The following APP variants were observed in gnomAD, a reference collection of about 807,000 sequenced individuals.
APP encodes amyloid beta precursor protein, also known as amyloid-beta precursor protein.
In APP, 31 loss-of-function variants were observed where a neutral mutation model predicts 101.4. The observed-to-expected ratio is 0.31, with a 90% CI of 0.23 to 0.41. The LOEUF (loss-of-function observed/expected upper bound fraction) is 0.41. Ranked by LOEUF, APP falls within the 10% of genes least tolerant of loss-of-function variation. APP has a pLI of 1.00. For missense variants in APP, 839 were observed against 1,003.7 expected (o/e 0.84, Z 2.22); for synonymous variants, 366 against 364.4 (o/e 1.00, Z -0.05).
rs899374269 is a variant in APP at position 25,880,845 on chromosome 21, G to T, written c.*825C>A. The T allele has an allele frequency of 6.6e-6, 1 of 152,592 alleles. No homozygotes were observed. The highest frequency in any genetic ancestry group is 1.5e-5 in the Non-Finnish European group (1 of 68,066). The allele number at this position is 152,592 out of a possible 1,614,324, so 9.5% of individuals were successfully genotyped here. On this transcript the variant is annotated 3_prime_UTR_variant, in exon 18 of 18. Coordinates refer to ENST00000346798, the MANE Select transcript of APP (RefSeq NM_000484.4). ...TTATTTATGTAATACAGTGTAGAAAGCGATCATGTCATAAGCAATGATTCT... is the reference window on the plus strand; with the variant it reads ...TTATTTATGTAATACAGTGTAGAAATCGATCATGTCATAAGCAATGATTCT...
In APP at chr21:25,933,704, A is replaced by T. The variant is rs567340816; in HGVS notation, c.1687+20886T>A. On this transcript the variant is annotated intron_variant, in intron 13 of 17. Coordinates refer to ENST00000346798, the MANE Select transcript of APP (RefSeq NM_000484.4). ...CATTAATTAACCCTGGCTAATTAAA[A>T]CAGCCACAGTTGACACATTTACTCA... 6 of 152,346 alleles carry T rather than the reference A, an allele frequency of 3.9e-5. No homozygotes were observed. The South Asian group carries it at 1.2e-3, about 32-fold the overall frequency. 9.4% of individuals were successfully genotyped at this position (152,346 alleles called of 1,614,324 possible). A position where few individuals can be genotyped will look rare whatever the true frequency, so the allele number is the denominator to read the frequency against.
intron 5 of APP, among the ~76,000 whole-genome samples, chr21:26,038,013 A>C (rs1212819532): frequency 1.3e-5 from 2 of 152,194 alleles, no homozygotes; most frequent in Non-Finnish European, 2.9e-5. Flanking sequence ...AAAAGTATAG[A>C]AGTTTTAAAG....
At chr21:26,106,878 G>T (rs1485428500) in intron 2 of APP, among the ~76,000 whole-genome samples, 2 of 152,116 alleles carry the variant, frequency 1.3e-5, no homozygotes, top group Non-Finnish European at 2.9e-5. Flanking sequence ...GGACTACAAC[G>T]TAACTTCTCC....
intron 1 of APP, among the ~76,000 whole-genome samples, chr21:26,156,000 CAAAA>C (rs757330872): frequency 1.1e-5 from 1 of 90,170 alleles, no homozygotes. Flanking sequence ...GACTTCGTCT[CAAAA>C]AAAAAAAAAA....
At chr21:26,030,545 G>A (rs1428393594) in intron 5 of APP, among the ~76,000 whole-genome samples, 2 of 152,122 alleles carry the variant, frequency 1.3e-5, no homozygotes. Flanking sequence ...ATTCTGGCAA[G>A]ACTTAAATTT....
At chr21:26,090,215 T>C in intron 2 of APP, 143 bp from the exon 3 acceptor site, 1 of 1,299,846 alleles carries the variant, frequency 7.7e-7, no homozygotes, top group Non-Finnish European at 1.1e-6. Context: ...TCAAGGTCTC[T>C]GACTTTTTCC....
At chr21:25,978,200 T>C (rs1414589943) in intron 9 of APP, among the ~76,000 whole-genome samples, 2 of 152,188 alleles carry the variant, frequency 1.3e-5, no homozygotes, top group Non-Finnish European at 2.9e-5. Flanking sequence ...TTCAGAACAA[T>C]TTAACAATAT....
chr21:25,920,251 C>T (rs927761605), intron 13 of APP, among the ~76,000 whole-genome samples: 9 of 152,148 alleles, frequency 5.9e-5, no homozygotes, highest in Non-Finnish European at 1.0e-4. Flanking sequence ...AAGGAACAAC[C>T]GGTACCAGCC....
chr21:26,043,897 T>C (rs1423692422), intron 5 of APP, among the ~76,000 whole-genome samples: 1 of 152,232 alleles, frequency 6.6e-6, no homozygotes, highest in African/African-American at 2.4e-5. Context: ...TCATTCTAGC[T>C]TGTACTTAAC....
At chr21:26,107,832 G>A (rs987312489) in intron 2 of APP, among the ~76,000 whole-genome samples, 1 of 152,138 alleles carries the variant, frequency 6.6e-6, no homozygotes, top group Non-Finnish European at 1.5e-5. Flanking sequence ...CCCCTTTGAA[G>A]AACAGGCCCT....
At chr21:25,967,824 G>C (rs947710644) in intron 11 of APP, among the ~76,000 whole-genome samples, 1 of 152,180 alleles carries the variant, frequency 6.6e-6, no homozygotes, top group African/African-American at 2.4e-5. Context: ...GACTGTAGAG[G>C]GCAGGTTAAG....
rs78891104 is a variant in APP at position 25,984,971 on chromosome 21, A to G, written c.1091-2494T>C. On this transcript the variant is annotated intron_variant, in intron 8 of 17. Transcript: ENST00000346798. ...AAACTGGAATCATAAAACTTACTATATAAGAAGGAAATTTTTTCAGCTCCT... is the reference window on the plus strand; with the variant it reads ...AAACTGGAATCATAAAACTTACTATGTAAGAAGGAAATTTTTTCAGCTCCT... 4.7e-3 allele frequency among the ~76,000 whole-genome samples: 715 copies of G among 152,318 alleles called. 40 individuals are homozygous for G. The East Asian group carries it at 0.12, about 26-fold the overall frequency.
At chr21:25,967,204 T>TTTTTTTTTTGCTC (rs1207739183) in intron 11 of APP, among the ~76,000 whole-genome samples, 1 of 149,986 alleles carries the variant, frequency 6.7e-6, no homozygotes, top group Non-Finnish European at 1.5e-5. Context: ...ACTGCCAACA[T>TTTTTTTTTTGCTC]TTTTTTTTTG....
chr21:26,132,637 T>C (rs1280647661), intron 1 of APP, among the ~76,000 whole-genome samples: 2 of 152,240 alleles, frequency 1.3e-5, no homozygotes, highest in African/African-American at 4.8e-5. Flanking sequence ...ACAACATATA[T>C]GTATCTCCAT....
At chr21:26,061,960 A>C (rs1179399103) in intron 3 of APP, among the ~76,000 whole-genome samples, 3 of 152,170 alleles carry the variant, frequency 2.0e-5, no homozygotes, top group Admixed American at 1.3e-4. Context: ...TCATGCCTGT[A>C]ATCCCAGCAC....
chr21:26,144,556 A>G (rs934529507), intron 1 of APP, among the ~76,000 whole-genome samples: 3 of 152,166 alleles, frequency 2.0e-5, no homozygotes, highest in African/African-American at 7.2e-5. Flanking sequence ...GAAAGGCTAC[A>G]CTCAATCTTA....
intron 8 of APP, among the ~76,000 whole-genome samples, chr21:25,992,778 T>C (rs2042918663): frequency 6.6e-6 from 1 of 152,240 alleles, no homozygotes; most frequent in South Asian, 2.1e-4. Context: ...CATCTTTTAA[T>C]GCTTTAAAAT....
intron 16 of APP, among the ~76,000 whole-genome samples, chr21:25,896,285 A>C (rs565283307): frequency 6.6e-6 from 1 of 152,294 alleles, no homozygotes; most frequent in South Asian, 2.1e-4. Context: ...TCAGTTTTTT[A>C]TTTGCTACAA....
At chr21:26,131,216 C>T (rs1448852455) in intron 1 of APP, among the ~76,000 whole-genome samples, 2 of 150,978 alleles carry the variant, frequency 1.3e-5, no homozygotes, top group East Asian at 1.9e-4. Flanking sequence ...GTAACAAGAG[C>T]GAAACGCCAC....
Sources: gnomAD v4.1 joint callset for allele counts (sites outside exome capture counted in the v4.1 genomes callset) on GRCh38, gnomAD v4.1.1 for gene constraint, MANE v1.5 for transcripts, NCBI Gene and HGNC (gene_info 2026-07-23, HGNC 2026-07-21) for gene names.